The following ADAMTSL1 variants were observed in gnomAD, a reference collection of about 807,000 sequenced individuals.
The protein encoded by ADAMTSL1 is ADAMTS like 1.
A neutral mutation model predicts 201.8 loss-of-function variants in ADAMTSL1; 126 were observed. That is an observed-to-expected ratio of 0.62 (90% confidence interval 0.54 to 0.72). The LOEUF is 0.72. Ranked by LOEUF, ADAMTSL1 falls within the 30% of genes least tolerant of loss-of-function variation. ADAMTSL1 has a pLI of 0.00. For missense variants in ADAMTSL1, 2,679 were observed against 2,277.8 expected, an observed-to-expected ratio of 1.18 and a Z score of -3.59; for synonymous variants, 1,121 against 903.4, an observed-to-expected ratio of 1.24 and a Z score of -4.32.
chr9:18,551,874 A>T (rs764492342), intron 3 of ADAMTSL1, among the ~76,000 whole-genome samples: 8 of 151,902 alleles, frequency 5.3e-5, no homozygotes, highest in Non-Finnish European at 1.2e-4. Flanking sequence ...GTTTTCAAGT[A>T]TGATGCCTTA....
At chr9:18,713,891 C>CA (rs1351163625) in intron 14 of ADAMTSL1, among the ~76,000 whole-genome samples, 2 of 141,974 alleles carry the variant, frequency 1.4e-5, no homozygotes, top group Non-Finnish European at 3.1e-5. Flanking sequence ...GAAATTATAA[C>CA]AAACTATCTC....
intron 18 of ADAMTSL1, 83 bp from the exon 19 acceptor site, chr9:18,776,698 C>T (rs1821022163): frequency 2.2e-6 from 3 of 1,394,684 alleles, no homozygotes; most frequent in Non-Finnish European, 1.9e-6. Context: ...TTTCCTTTGC[C>T]CCTCTCTCCT....
chr9:18,565,876 T>G (rs1323766212), intron 3 of ADAMTSL1, among the ~76,000 whole-genome samples: 1 of 152,170 alleles, frequency 6.6e-6, no homozygotes, highest in East Asian at 1.9e-4. Context: ...TGGCCAAAAT[T>G]TGGGGGTTAA....
At position 18,311,933 on chromosome 9, in the gene ADAMTSL1, A is replaced by C. The variant is rs553364293; in HGVS notation, c.207+147952A>C. Reference sequence around the variant, plus strand: ...AAAAAATGTATCCCAGGGAGAGGACAGCATGTGGAAAGGCACAGACAATTA... The same window carrying C: ...AAAAAATGTATCCCAGGGAGAGGACCGCATGTGGAAAGGCACAGACAATTA... On this transcript the variant is annotated intron_variant, in intron 2 of 29. Coordinates refer to the ADAMTSL1 transcript ENST00000680146. Among the ~76,000 whole-genome samples the C allele has an allele frequency of 3.0e-4, 46 of 152,346 alleles. No homozygotes were observed. The South Asian group carries it at 8.1e-3, about 27-fold the overall frequency.
Position 18,485,062 on chromosome 9 carries a change from C to T in ADAMTSL1, c.63+10767C>T, listed in dbSNP as rs111784475. Among the ~76,000 whole-genome samples, 794 of 152,288 alleles carry T rather than the reference C, an allele frequency of 5.2e-3. 9 individuals carry two copies. Among genetic ancestry groups the T allele is most frequent in the African/African-American group, 0.018 (750 of 41,556 alleles). On this transcript the variant is annotated intron_variant, in intron 1 of 28. Transcript: ENST00000380548. ...CTTTACATATACTGCATTAAATTATCTAATTCTCATAAGAACCCTATGGAT... is the reference window on the plus strand; with the variant it reads ...CTTTACATATACTGCATTAAATTATTTAATTCTCATAAGAACCCTATGGAT...
chr9:18,834,914 T>A (rs1452136194), intron 23 of ADAMTSL1, among the ~76,000 whole-genome samples: 4 of 152,346 alleles, frequency 2.6e-5, no homozygotes, highest in East Asian at 3.9e-4. Context: ...TTATTACAAA[T>A]CTGCTGTGAA....
chr9:18,476,548 G>A (rs1821462826), intron 1 of ADAMTSL1, among the ~76,000 whole-genome samples: 1 of 152,046 alleles, frequency 6.6e-6, no homozygotes, highest in Non-Finnish European at 1.5e-5. Flanking sequence ...TTAATTATTG[G>A]CTTAAGAGAT....
chr9:18,677,641 C>G (rs1301681527), intron 10 of ADAMTSL1, among the ~76,000 whole-genome samples: 2 of 151,996 alleles, frequency 1.3e-5, no homozygotes, highest in East Asian at 3.9e-4. Flanking sequence ...TCTGGCATAA[C>G]TAATGCCTAT....
At chr9:18,369,905 T>C (rs764187427) in intron 2 of ADAMTSL1, among the ~76,000 whole-genome samples, 5 of 152,276 alleles carry the variant, frequency 3.3e-5, no homozygotes, top group Admixed American at 6.5e-5. Flanking sequence ...ATAACTCAAA[T>C]ACAGAAAATC....
chr9:18,197,642 T>C (rs1371068201), intron 2 of ADAMTSL1, among the ~76,000 whole-genome samples: 1 of 149,066 alleles, frequency 6.7e-6, no homozygotes, highest in Non-Finnish European at 1.5e-5. Flanking sequence ...CAATTTGACT[T>C]CCTCTTTTCC....
Position 17,909,581 on chromosome 9 carries a change from C to G in ADAMTSL1, c.87+2659C>G, listed in dbSNP as rs1475554646. On this transcript the variant is annotated intron_variant, in intron 1 of 29. Coordinates refer to the ADAMTSL1 transcript ENST00000680146. ...ACAATAGCAAAGACTTGGAACCAAC[C>G]CAAATGTCCAACAATGATAGACTGG... Among the ~76,000 whole-genome samples, 4 of 67,902 alleles carry G rather than the reference C, an allele frequency of 5.9e-5. 1 individual carries two copies. Among genetic ancestry groups the G allele is most frequent in the Non-Finnish European group, 1.3e-4 (3 of 22,276 alleles). The allele number at this position is 67,902 out of a possible 152,430, so 44.5% of individuals were successfully genotyped here.
chr9:18,263,985 A>G (rs1054145971), intron 2 of ADAMTSL1, among the ~76,000 whole-genome samples: 2 of 152,180 alleles, frequency 1.3e-5, no homozygotes, highest in African/African-American at 4.8e-5. Context: ...GCAGACTAAG[A>G]CAGTTCCTGG....
chr9:18,060,176 G>A (rs1172185942), intron 1 of ADAMTSL1, among the ~76,000 whole-genome samples: 1 of 152,080 alleles, frequency 6.6e-6, no homozygotes, highest in Non-Finnish European at 1.5e-5. Context: ...ACCTAAGGAT[G>A]TATTTTTTAA....
chr9:18,538,637 G>A (rs546999422), intron 3 of ADAMTSL1, among the ~76,000 whole-genome samples: 31 of 152,300 alleles, frequency 2.0e-4, no homozygotes, highest in African/African-American at 7.2e-4. Context: ...GAGAGTGGAA[G>A]CAAAGTTCTC....
At chr9:18,046,765 G>A (rs1368592965) in intron 1 of ADAMTSL1, among the ~76,000 whole-genome samples, 1 of 151,978 alleles carries the variant, frequency 6.6e-6, no homozygotes, top group Non-Finnish European at 1.5e-5. Flanking sequence ...ACCCTAACAA[G>A]GCAAGTAGTT....
intron 20 of ADAMTSL1, among the ~76,000 whole-genome samples, chr9:18,800,891 C>G (rs1000925556): frequency 7.9e-5 from 12 of 152,118 alleles, no homozygotes; most frequent in African/African-American, 2.9e-4. Flanking sequence ...CACTTCTGGC[C>G]TTATTCTACT....
intron 7 of ADAMTSL1, among the ~76,000 whole-genome samples, chr9:18,649,205 C>T (rs571366794): frequency 9.9e-4 from 151 of 152,334 alleles, no homozygotes; most frequent in Non-Finnish European, 1.7e-3. Flanking sequence ...CTGCATTCTC[C>T]ACGTAGTTCT....
intron 1 of ADAMTSL1, among the ~76,000 whole-genome samples, chr9:17,942,538 A>T (rs978625975): frequency 2.6e-5 from 4 of 152,128 alleles, no homozygotes; most frequent in Non-Finnish European, 5.9e-5. Context: ...ATAGCTGAAA[A>T]ATGATTGGAT....
chr9:18,672,235 A>G (rs1382044873), intron 9 of ADAMTSL1, among the ~76,000 whole-genome samples: 1 of 151,554 alleles, frequency 6.6e-6, no homozygotes, highest in Admixed American at 6.6e-5. Context: ...AGCATCTTAG[A>G]TCACTTCTGC....
Sources: gnomAD v4.1 joint callset for allele counts (sites outside exome capture counted in the v4.1 genomes callset) on GRCh38, gnomAD v4.1.1 for gene constraint, MANE v1.5 for transcripts, NCBI Gene and HGNC (gene_info 2026-07-23, HGNC 2026-07-21) for gene names.